The following FSIP1 variants were observed in gnomAD, a reference collection of about 807,000 sequenced individuals.
The protein encoded by FSIP1 is fibrous sheath interacting protein 1, also known as fibrous sheath-interacting protein 1.
In FSIP1, 65 loss-of-function variants were observed where a neutral mutation model predicts 60.9. The ratio of observed to expected loss-of-function variants is 1.07; its 90% confidence interval spans 0.87 to 1.31. FSIP1 has a LOEUF of 1.31. FSIP1 is among the 40% of genes most tolerant of loss of function. FSIP1 has a pLI of 0.00. For synonymous variants in FSIP1, 209 were observed against 221.2 expected (o/e 0.94, Z 0.49); for missense variants, 675 against 665.5 (o/e 1.01, Z -0.16).
At position 39,776,498 on chromosome 15, in the gene FSIP1, A is replaced by G. The variant is rs1204443171; in HGVS notation, c.27T>C (p.Asp9=). 2 of 1,612,502 alleles carry G rather than the reference A, an allele frequency of 1.2e-6. No individual in the cohort carries two copies. Among genetic ancestry groups the G allele is most frequent in the Non-Finnish European group, 1.7e-6 (2 of 1,178,680 alleles). MDIIKGNL[D]GISKPASNSR... is the part of the protein sequence containing the mutation. ...AATTTGAAGCTGGTTTTGAAATTCC[A>G]TCTAGGTTTCCCTTTATAATATCCA... The change falls in exon 2 of 12, where the codon GAT becomes GAC. Residue 9 remains aspartate (D), a synonymous_variant. Transcript: ENST00000350221.
At chr15:39,661,826 T>A (rs1303569081) in intron 10 of FSIP1, among the ~76,000 whole-genome samples, 1 of 152,244 alleles carries the variant, frequency 6.6e-6, no homozygotes, top group Non-Finnish European at 1.5e-5. Flanking sequence ...CACTCTTTTT[T>A]TCCACTAAGA....
intron 2 of FSIP1, among the ~76,000 whole-genome samples, chr15:39,772,653 C>T (rs1295310122): frequency 3.3e-5 from 5 of 149,420 alleles, no homozygotes; most frequent in South Asian, 2.1e-4. Context: ...TGCAGTGGTG[C>T]GATATCGGCT....
chr15:39,625,422 A>C (rs1016123719), intron 10 of FSIP1, among the ~76,000 whole-genome samples: 9 of 152,178 alleles, frequency 5.9e-5, no homozygotes, highest in African/African-American at 1.9e-4. Flanking sequence ...CATAAGCAGA[A>C]AAGTGTGGAG....
intron 10 of FSIP1, among the ~76,000 whole-genome samples, chr15:39,632,590 C>T (rs758939506): frequency 6.6e-6 from 1 of 152,118 alleles, no homozygotes; most frequent in Non-Finnish European, 1.5e-5. Context: ...GTCAGGAGAT[C>T]GAGACCATCC....
chr15:39,746,594 G>A (rs908163393), intron 5 of FSIP1, among the ~76,000 whole-genome samples: 2 of 151,884 alleles, frequency 1.3e-5, no homozygotes, highest in Non-Finnish European at 2.9e-5. Context: ...CCTCATTGGA[G>A]GATAAGAAGA....
rs148607407 is a variant in FSIP1 at position 39,769,682 on chromosome 15, A to G, written c.310+745T>C. On this transcript the variant is annotated intron_variant, in intron 3 of 11. Transcript: ENST00000350221. ...TATTTAAGGGTCAAAATTTCATAAA[A>G]TTGATAGTTTTTACTGATTCATAGC... 1.2e-4 allele frequency among the ~76,000 whole-genome samples: 18 copies of G among 152,320 alleles called. No individual in the cohort carries two copies. The South Asian group carries it at 2.1e-3, about 18-fold the overall frequency.
intron 10 of FSIP1, among the ~76,000 whole-genome samples, chr15:39,647,089 A>G (rs1198591344): frequency 1.3e-5 from 2 of 152,226 alleles, no homozygotes; most frequent in Non-Finnish European, 2.9e-5. Context: ...AGTTGTTACC[A>G]GGGATGTGGT....
chr15:39,684,597 T>C (rs1028121015), intron 10 of FSIP1, among the ~76,000 whole-genome samples: 4 of 152,248 alleles, frequency 2.6e-5, no homozygotes, highest in Non-Finnish European at 4.4e-5. Context: ...AAAATAAATT[T>C]TATTTTAGAA....
Position 39,655,173 on chromosome 15 carries a change from G to A in FSIP1, c.1189-36928C>T, listed in dbSNP as rs1893023985. Among the ~76,000 whole-genome samples the A allele has an allele frequency of 2.0e-5, 3 of 152,032 alleles. No individual in the cohort carries two copies. The South Asian group carries it at 6.2e-4, about 32-fold the overall frequency. ...TCCCAGTATCTGTTTTCTCCTTATT[G>A]GCAATGGTGAGAAGGAATACTATAT... On this transcript the variant is annotated intron_variant, in intron 10 of 11. Transcript: ENST00000350221.
intron 10 of FSIP1, among the ~76,000 whole-genome samples, chr15:39,710,361 T>C (rs1022905279): frequency 6.7e-6 from 1 of 149,220 alleles, no homozygotes; most frequent in Admixed American, 6.8e-5. Flanking sequence ...CACACACCTG[T>C]AGTCCTAACT....
rs913279144 is a variant in FSIP1 at position 39,629,210 on chromosome 15, AG to A, written c.1189-10966del. 3.9e-5 allele frequency among the ~76,000 whole-genome samples: 6 copies of A among 152,138 alleles called. No homozygotes were observed. The East Asian group carries it at 1.2e-3, about 29-fold the overall frequency. On this transcript the variant is annotated intron_variant, in intron 10 of 11. Coordinates refer to ENST00000350221, the MANE Select transcript of FSIP1 (RefSeq NM_152597.5). Reference sequence around the variant, plus strand: ...CTCTTGTAGATTCCTGGCGCTGGGGAGGGGGTGCTACAGAGGCCATGAGATG... The same window carrying A: ...CTCTTGTAGATTCCTGGCGCTGGGGAGGGGTGCTACAGAGGCCATGAGATG...
intron 10 of FSIP1, among the ~76,000 whole-genome samples, chr15:39,665,060 T>G (rs1358442918): frequency 1.3e-5 from 2 of 152,160 alleles, no homozygotes; most frequent in Non-Finnish European, 1.5e-5. Context: ...TATCTTCTAT[T>G]AAGCCTTCCC....
chr15:39,752,838 T>C (rs1366282914), intron 5 of FSIP1, among the ~76,000 whole-genome samples: 1 of 151,960 alleles, frequency 6.6e-6, no homozygotes, highest in African/African-American at 2.4e-5. Context: ...ATGCAAGATA[T>C]TCATAATAAG....
chr15:39,769,637 C>T lies in FSIP1; in HGVS notation c.310+790G>A, dbSNP rs149633491. Among the ~76,000 whole-genome samples the T allele has an allele frequency of 3.8e-4, 58 of 152,286 alleles. No homozygotes were observed. The East Asian group carries it at 0.011, about 29-fold the overall frequency. On this transcript the variant is annotated intron_variant, in intron 3 of 11. Transcript: ENST00000350221. ...TATGTATACTTCCCATTTTTCCCCA[C>T]AGGATGTTAAGAAGATGCATATTTA... is the stretch of plus-strand genomic sequence containing the variant.
At chr15:39,624,114 G>A (rs996498263) in intron 10 of FSIP1, among the ~76,000 whole-genome samples, 9 of 152,166 alleles carry the variant, frequency 5.9e-5, no homozygotes, top group South Asian at 2.1e-4. Context: ...CTGAACTGAG[G>A]GTCACATGGT....
intron 11 of FSIP1, among the ~76,000 whole-genome samples, chr15:39,607,591 C>A (rs1269586841): frequency 1.3e-5 from 2 of 152,160 alleles, no homozygotes; most frequent in East Asian, 1.9e-4. Context: ...ATGTGTTTCA[C>A]ATTGAAAATT....
At chr15:39,782,359 A>C (rs1374758316) in intron 1 of FSIP1, among the ~76,000 whole-genome samples, 2 of 152,042 alleles carry the variant, frequency 1.3e-5, no homozygotes, top group African/African-American at 4.8e-5. Context: ...TCAGTTCTAG[A>C]TCTTGGTGGG....
At chr15:39,750,198 T>C (rs956598535) in intron 5 of FSIP1, among the ~76,000 whole-genome samples, 3 of 151,958 alleles carry the variant, frequency 2.0e-5, no homozygotes, top group Admixed American at 1.3e-4. Flanking sequence ...TCCGTGCTCA[T>C]GGATCAAAGG....
At chr15:39,724,845 T>C (rs1195071880) in intron 9 of FSIP1, among the ~76,000 whole-genome samples, 1 of 151,874 alleles carries the variant, frequency 6.6e-6, no homozygotes. Context: ...AAGAATAGAG[T>C]ATCTGTGAAA....
Sources: allele counts gnomAD v4.1 joint callset (sites outside exome capture counted in the v4.1 genomes callset), GRCh38; gene constraint gnomAD v4.1.1; transcripts MANE v1.5; gene names NCBI Gene and HGNC (gene_info 2026-07-23, HGNC 2026-07-21).